USP31: variants seen among roughly 807,000 people sequenced by gnomAD.
USP31 encodes the protein ubiquitin specific peptidase 31.
A neutral mutation model predicts 119.4 loss-of-function variants in USP31; 44 were observed. That is an observed-to-expected ratio of 0.37 (90% CI 0.29 to 0.47). USP31 has a LOEUF of 0.47. USP31 is among the 20% of genes least tolerant of loss of function. USP31 has a pLI of 0.99. For synonymous variants in USP31, 749 were observed against 705.6 expected, an observed-to-expected ratio of 1.06 and a Z score of -0.97; for missense variants, 1,643 against 1,730.2, an observed-to-expected ratio of 0.95 and a Z score of 0.89.
Position 23,068,094 on chromosome 16 carries a change from T to C in USP31, c.4011A>G (p.Leu1337=), listed in dbSNP as rs761580875. The change falls in exon 16 of 16, where the codon TTA becomes TTG. Residue 1337 remains leucine, a synonymous_variant. Coordinates refer to ENST00000219689, the MANE Select transcript of USP31 (RefSeq NM_020718.4). The part of the protein sequence containing the change: ...RQSAEKSSKK[L]SSSMQTSARP... ...GTGCAGAGGTTTGCATGCTAGAAGA[T>C]AACTTTTTTGAGGATTTCTCTGCAG... 6.2e-6 allele frequency: 10 copies of C among 1,614,068 alleles called. No individual in the cohort carries two copies. Among genetic ancestry groups the C allele is most frequent in the Middle Eastern group, 1.6e-4 (1 of 6,084 alleles).
chr16:23,110,771 A>G (rs1256912953), intron 1 of USP31, among the ~76,000 whole-genome samples: 1 of 152,186 alleles, frequency 6.6e-6, no homozygotes, highest in East Asian at 1.9e-4. Flanking sequence ...CATGCCAAAC[A>G]TTTCACTTGT....
intron 6 of USP31, among the ~76,000 whole-genome samples, chr16:23,097,575 A>G (rs554770325): frequency 5.0e-4 from 76 of 152,330 alleles, no homozygotes; most frequent in African/African-American, 1.4e-3. Context: ...AAAATCCTCA[A>G]TAAAATACTG....
intron 1 of USP31, among the ~76,000 whole-genome samples, chr16:23,126,717 A>T (rs533363014): frequency 6.6e-6 from 1 of 152,292 alleles, no homozygotes; most frequent in East Asian, 1.9e-4. Flanking sequence ...CAGAAATTGT[A>T]ACACATGCAT....
At chr16:23,084,062 C>T (rs1900979336) in intron 11 of USP31, among the ~76,000 whole-genome samples, 1 of 152,070 alleles carries the variant, frequency 6.6e-6, no homozygotes, top group African/African-American at 2.4e-5. Context: ...GAAGAAGAAC[C>T]CAACCACCAG....
chr16:23,120,925 G>C (rs1350812811), intron 1 of USP31, among the ~76,000 whole-genome samples: 1 of 152,030 alleles, frequency 6.6e-6, no homozygotes, highest in Non-Finnish European at 1.5e-5. Context: ...AACACACACA[G>C]ATTATATATA....
chr16:23,085,282 T>C (rs546025873), intron 10 of USP31, among the ~76,000 whole-genome samples: 1 of 152,324 alleles, frequency 6.6e-6, no homozygotes, highest in African/African-American at 2.4e-5. Flanking sequence ...GCATCTGACA[T>C]TGCTTTCTAG....
chr16:23,116,724 G>A (rs780103946), intron 1 of USP31, among the ~76,000 whole-genome samples: 3 of 152,138 alleles, frequency 2.0e-5, no homozygotes, highest in Non-Finnish European at 4.4e-5. Flanking sequence ...GGGCTGGAAT[G>A]CCCTCCACCA....
intron 13 of USP31, among the ~76,000 whole-genome samples, chr16:23,076,885 T>C (rs1395522234): frequency 6.6e-6 from 1 of 152,202 alleles, no homozygotes; most frequent in African/African-American, 2.4e-5. Flanking sequence ...TCCACATCCC[T>C]TTCCATTCTA....
At position 23,137,730 on chromosome 16, in the gene USP31, T is replaced by C. The variant is rs953638256; in HGVS notation, c.633+10908A>G. On this transcript the variant is annotated intron_variant, in intron 1 of 15. Coordinates refer to ENST00000219689, the MANE Select transcript of USP31 (RefSeq NM_020718.4). ...TAAGTATATGTCTGGAAATGTATCCTAAAGAAACAATCCAACAAAGCAAAA... is the reference window on the plus strand; with the variant it reads ...TAAGTATATGTCTGGAAATGTATCCCAAAGAAACAATCCAACAAAGCAAAA... 2.7e-5 allele frequency among the ~76,000 whole-genome samples: 4 copies of C among 150,542 alleles called. No homozygotes were observed. In the Admixed American group the frequency reaches 2.7e-4, roughly 10 times the overall value.
At chr16:23,097,915 G>A (rs908601128) in intron 6 of USP31, among the ~76,000 whole-genome samples, 2 of 152,176 alleles carry the variant, frequency 1.3e-5, no homozygotes, top group Non-Finnish European at 2.9e-5. Context: ...ACTGGCACAA[G>A]ACAAGGATGC....
intron 1 of USP31, among the ~76,000 whole-genome samples, chr16:23,121,938 A>C (rs899773566): frequency 6.6e-6 from 1 of 152,226 alleles, no homozygotes; most frequent in Non-Finnish European, 1.5e-5. Flanking sequence ...GAAGCCATCT[A>C]CATGTCCAAA....
intron 1 of USP31, among the ~76,000 whole-genome samples, chr16:23,141,449 G>A (rs1428036822): frequency 2.0e-5 from 3 of 150,750 alleles, no homozygotes; most frequent in Admixed American, 6.6e-5. Context: ...GCACAATCTC[G>A]GCTCACCACA....
intron 1 of USP31, among the ~76,000 whole-genome samples, chr16:23,130,384 G>A (rs377625596): frequency 7.3e-5 from 11 of 151,502 alleles, no homozygotes; most frequent in African/African-American, 1.9e-4. Flanking sequence ...CCAGGAGTTC[G>A]AGCCCAGCCT....
chr16:23,087,869 G>A lies in USP31; in HGVS notation c.1416-34C>T, dbSNP rs760638839. 4.0e-5 allele frequency: 62 copies of A among 1,551,108 alleles called. No individual in the cohort carries two copies. The Admixed American group carries it at 6.2e-4, about 16-fold the overall frequency. On this transcript the variant is annotated intron_variant, in intron 7 of 15. Transcript: ENST00000219689. The stretch of plus-strand genomic sequence containing the variant: ...CATCAACAATGTAATCACCTTTAAA[G>A]TACGGTAATTCCTTTAACACTGTTA...
At chr16:23,115,116 C>T (rs1902448913) in intron 1 of USP31, among the ~76,000 whole-genome samples, 1 of 152,168 alleles carries the variant, frequency 6.6e-6, no homozygotes, top group Admixed American at 6.6e-5. Context: ...CCCTGCATCC[C>T]AAATCTTCAC....
chr16:23,114,327 C>T (rs1188582583), intron 1 of USP31, among the ~76,000 whole-genome samples: 1 of 151,800 alleles, frequency 6.6e-6, no homozygotes, highest in Admixed American at 6.6e-5. Flanking sequence ...AAGAAGAGCT[C>T]TTAGGTGTAA....
In USP31 at chr16:23,073,714, G is replaced by A. The variant is rs534609355; in HGVS notation, c.2335+8C>T. 225 of 1,610,654 alleles carry A rather than the reference G, an allele frequency of 1.4e-4. 3 individuals carry two copies. In the South Asian group the frequency reaches 2.4e-3, roughly 17 times the overall value. On this transcript the variant is annotated splice_region_variant and intron_variant, in intron 14 of 15. Coordinates refer to ENST00000219689, the MANE Select transcript of USP31 (RefSeq NM_020718.4). Reference sequence around the variant, plus strand: ...AAAAAACTGCCCAAGAACAAGAGTGGACCTCACCTGCCACCGAGCTGTTGG... The same window carrying A: ...AAAAAACTGCCCAAGAACAAGAGTGAACCTCACCTGCCACCGAGCTGTTGG...
chr16:23,147,046 G>C lies in USP31; in HGVS notation c.633+1592C>G, dbSNP rs191157054. Among the ~76,000 whole-genome samples, 40 of 152,000 alleles carry C rather than the reference G, an allele frequency of 2.6e-4. No homozygotes were observed. The East Asian group carries it at 5.8e-3, about 22-fold the overall frequency. On this transcript the variant is annotated intron_variant, in intron 1 of 15. Transcript: ENST00000219689. ...AACATCAAGCTGAGACTTCGTCCTG[G>C]GCAAGATTAGGATAGGAAAAAAAAA...
At chr16:23,136,746 T>C (rs1394422409) in intron 1 of USP31, among the ~76,000 whole-genome samples, 1 of 151,920 alleles carries the variant, frequency 6.6e-6, no homozygotes, top group Non-Finnish European at 1.5e-5. Context: ...ATATATCTGA[T>C]AAGAAATTAA....
Sources: allele counts gnomAD v4.1 joint callset (sites outside exome capture counted in the v4.1 genomes callset), GRCh38; gene constraint gnomAD v4.1.1; transcripts MANE v1.5; gene names NCBI Gene and HGNC (gene_info 2026-07-23, HGNC 2026-07-21).